Variants in MDGA2 observed in about 807,000 individuals in gnomAD.
MDGA2 encodes MAM domain-containing glycosylphosphatidylinositol anchor protein 2.
Under a neutral mutation model 117.8 loss-of-function variants are expected in MDGA2, and 40 were observed. The ratio of observed to expected loss-of-function variants is 0.34; its 90% confidence interval spans 0.26 to 0.44. MDGA2 has a LOEUF of 0.44. Ranked by LOEUF, MDGA2 falls within the 20% of genes least tolerant of loss-of-function variation. MDGA2 has a pLI of 1.00. For synonymous variants in MDGA2, 452 were observed against 439.0 expected, an observed-to-expected ratio of 1.03 and a Z score of -0.37; for missense variants, 1,123 against 1,250.6, an observed-to-expected ratio of 0.90 and a Z score of 1.54.
intron 3 of MDGA2, among the ~76,000 whole-genome samples, chr14:47,174,267 G>A (rs2139337674): frequency 6.6e-6 from 1 of 152,170 alleles, no homozygotes; most frequent in African/African-American, 2.4e-5. Context: ...AGGATACCCA[G>A]GAATTGAACT....
chr14:47,308,884 C>A (rs756209316), intron 1 of MDGA2, among the ~76,000 whole-genome samples: 1 of 151,922 alleles, frequency 6.6e-6, no homozygotes, highest in Non-Finnish European at 1.5e-5. Context: ...TTTGGTAAAT[C>A]GCTATTTCTT....
At chr14:47,084,459 T>C (rs1015958721) in intron 6 of MDGA2, among the ~76,000 whole-genome samples, 2 of 148,664 alleles carry the variant, frequency 1.3e-5, no homozygotes, top group Non-Finnish European at 3.0e-5. Flanking sequence ...AAGTAAATTA[T>C]CTAATTCCCA....
chr14:47,013,772 GTATATATATATA>G (rs71448157), intron 8 of MDGA2, among the ~76,000 whole-genome samples: 1 of 93,686 alleles, frequency 1.1e-5, no homozygotes, highest in Non-Finnish European at 2.2e-5. Context: ...TAATTTCCTT[GTATATATATATA>G]TATATATATC....
chr14:47,028,280 G>A (rs1244493263), intron 8 of MDGA2, among the ~76,000 whole-genome samples: 2 of 152,054 alleles, frequency 1.3e-5, no homozygotes, highest in East Asian at 1.9e-4. Flanking sequence ...TCAAAGGTAA[G>A]TCCTCAAATT....
At chr14:47,211,074 T>A (rs1885865042) in intron 3 of MDGA2, among the ~76,000 whole-genome samples, 1 of 152,174 alleles carries the variant, frequency 6.6e-6, no homozygotes, top group African/African-American at 2.4e-5. Context: ...GTAAAAACAT[T>A]GGCAGTAAAA....
Position 46,980,416 on chromosome 14 carries a change from A to T in MDGA2, c.1820-22773T>A, listed in dbSNP as rs577771711. 3.0e-4 allele frequency among the ~76,000 whole-genome samples: 46 copies of T among 152,290 alleles called. 1 individual carries two copies. The highest frequency in any genetic ancestry group is 1.1e-3 in the African/African-American group (46 of 41,564). On this transcript the variant is annotated intron_variant, in intron 8 of 16. Transcript: ENST00000399232. ...CAAAGATAGTGGTTTCTTGAGATAG[A>T]ATCTACTTCTAGTGAAGATGCCGTG...
chr14:47,308,495 T>C (rs539669285), intron 1 of MDGA2, among the ~76,000 whole-genome samples: 1 of 132,078 alleles, frequency 7.6e-6, no homozygotes, highest in South Asian at 2.4e-4. Context: ...TCCCTCTCTT[T>C]CTGTTAGTTT....
chr14:47,155,132 C>T (rs1039112178), intron 3 of MDGA2, among the ~76,000 whole-genome samples: 1 of 152,108 alleles, frequency 6.6e-6, no homozygotes, highest in Non-Finnish European at 1.5e-5. Context: ...ACAGATGCTG[C>T]GATGACCTGC....
intron 16 of MDGA2, among the ~76,000 whole-genome samples, chr14:46,845,029 T>A (rs1292225891): frequency 6.6e-6 from 1 of 152,070 alleles, no homozygotes; most frequent in African/African-American, 2.4e-5. Flanking sequence ...CTACAGGGAC[T>A]ACACGCCCGG....
At chr14:47,319,302 G>A (rs984549189) in intron 1 of MDGA2, among the ~76,000 whole-genome samples, 1 of 152,084 alleles carries the variant, frequency 6.6e-6, no homozygotes, top group Admixed American at 6.6e-5. Context: ...CTTCTCTTCT[G>A]TGAGTGTACA....
At chr14:47,414,136 A>C (rs1039868759) in intron 1 of MDGA2, among the ~76,000 whole-genome samples, 2 of 152,144 alleles carry the variant, frequency 1.3e-5, no homozygotes, top group African/African-American at 4.8e-5. Context: ...ACAGTGGAAA[A>C]ACTCTGCTGT....
chr14:47,180,511 C>G (rs944178655), intron 3 of MDGA2, among the ~76,000 whole-genome samples: 17 of 151,904 alleles, frequency 1.1e-4, no homozygotes, highest in African/African-American at 4.1e-4. Flanking sequence ...AAGGAAAAAC[C>G]CCATAAAAAG....
At chr14:46,990,278 T>C (rs73239244) in intron 8 of MDGA2, among the ~76,000 whole-genome samples, 5,052 of 152,182 alleles carry the variant, frequency 0.033, 145 homozygotes, top group African/African-American at 0.069. Flanking sequence ...AGAGACTAGT[T>C]TACTGTGAGA....
chr14:47,177,836 GTTAA>G (rs1363620754), intron 3 of MDGA2, among the ~76,000 whole-genome samples: 1 of 151,890 alleles, frequency 6.6e-6, no homozygotes, highest in Non-Finnish European at 1.5e-5. Context: ...GAAATTTTAT[GTTAA>G]TTTATTATAT....
At chr14:47,463,389 G>T (rs1784962011) in intron 1 of MDGA2, among the ~76,000 whole-genome samples, 2 of 150,830 alleles carry the variant, frequency 1.3e-5, no homozygotes, top group Admixed American at 6.6e-5. Flanking sequence ...TAGAATGAGG[G>T]GTCACAGACA....
chr14:47,384,085 C>T (rs1166052030), intron 1 of MDGA2, among the ~76,000 whole-genome samples: 1 of 151,774 alleles, frequency 6.6e-6, no homozygotes, highest in Non-Finnish European at 1.5e-5. Flanking sequence ...CTAATGAATA[C>T]CATCAAATAC....
chr14:47,435,441 A>T (rs529141544), intron 1 of MDGA2, among the ~76,000 whole-genome samples: 27 of 152,094 alleles, frequency 1.8e-4, no homozygotes, highest in Non-Finnish European at 3.2e-4. Flanking sequence ...CACATCAGTG[A>T]GTCTGAGGCA....
chr14:47,022,677 T>C (rs1888328810), intron 8 of MDGA2, among the ~76,000 whole-genome samples: 1 of 151,970 alleles, frequency 6.6e-6, no homozygotes, highest in African/African-American at 2.4e-5. Flanking sequence ...AGGGGGGAAA[T>C]GATATTGGAG....
At chr14:47,579,823 T>C (rs1162701986) in intron 1 of MDGA2, among the ~76,000 whole-genome samples, 32 of 152,066 alleles carry the variant, frequency 2.1e-4, no homozygotes, top group Non-Finnish European at 4.0e-4. Context: ...AGAGGGAAGG[T>C]AGTCCTTGCT....
Sources: allele counts gnomAD v4.1 joint callset (sites outside exome capture counted in the v4.1 genomes callset), GRCh38; gene constraint gnomAD v4.1.1; transcripts MANE v1.5; gene names NCBI Gene and HGNC (gene_info 2026-07-23, HGNC 2026-07-21).